HSD17B12: variants seen among roughly 807,000 people sequenced by gnomAD.
HSD17B12 encodes the protein very-long-chain 3-oxoacyl-CoA reductase.
In HSD17B12, 32 loss-of-function variants were observed where a neutral mutation model predicts 39.3. The ratio of observed to expected loss-of-function variants is 0.81; its 90% CI spans 0.61 to 1.09. The LOEUF is 1.09. HSD17B12 is among the 50% of genes least tolerant of loss of function. The pLI is 0.00. For missense variants in HSD17B12, 342 were observed against 382.9 expected, an observed-to-expected ratio of 0.89 and a Z score of 0.89; for synonymous variants, 150 against 146.7, an observed-to-expected ratio of 1.02 and a Z score of -0.16.
At chr11:43,747,108 C>T (rs1039670017) in intron 1 of HSD17B12, among the ~76,000 whole-genome samples, 2 of 152,182 alleles carry the variant, frequency 1.3e-5, no homozygotes, top group Admixed American at 6.5e-5. Flanking sequence ...CTGTCCAAGT[C>T]TTGCGTGTTT....
chr11:43,708,835 G>A (rs1051018332), intron 1 of HSD17B12, among the ~76,000 whole-genome samples: 2 of 152,204 alleles, frequency 1.3e-5, no homozygotes, highest in African/African-American at 4.8e-5. Flanking sequence ...AAGGATAACA[G>A]AGATAAATTA....
chr11:43,790,990 A>G (rs751844055), intron 3 of HSD17B12, among the ~76,000 whole-genome samples: 29 of 152,078 alleles, frequency 1.9e-4, no homozygotes, highest in Non-Finnish European at 3.1e-4. Context: ...GCGGAACTCC[A>G]TCTCAAAAAA....
intron 3 of HSD17B12, among the ~76,000 whole-genome samples, chr11:43,784,131 G>A (rs1950792942): frequency 6.6e-6 from 1 of 152,048 alleles, no homozygotes; most frequent in African/African-American, 2.4e-5. Context: ...CCTTTTAAGG[G>A]CTTACAACTC....
upstream of HSD17B12, chr11:43,680,486 C>A: frequency 2.9e-6 from 1 of 342,328 alleles, no homozygotes; most frequent in Non-Finnish European, 5.5e-6. Flanking sequence ...CGAGCGCAGT[C>A]TTCCGCAGTC....
At chr11:43,652,218 T>A in the HSD17B12 span, among the ~76,000 whole-genome samples, 1 of 152,132 alleles carries the variant, frequency 6.6e-6, no homozygotes, top group Non-Finnish European at 1.5e-5. Flanking sequence ...CATTTCCTGG[T>A]TTTAACAATT....
rs190530610 is a variant in HSD17B12, at chr11:43,812,469, T to G, written c.392-2968T>G. Among the ~76,000 whole-genome samples the G allele has an allele frequency of 3.7e-3, 559 of 152,284 alleles. 1 individual carries two copies. The highest frequency in any genetic ancestry group is 5.6e-3 in the Non-Finnish European group (384 of 67,996). On this transcript the variant is annotated intron_variant, in intron 4 of 10. Coordinates refer to ENST00000278353, the MANE Select transcript of HSD17B12 (RefSeq NM_016142.3). ...TTTTGATTCAGATTTCTGTGATGAT[T>G]GGTGATGAGCATTTTTTCATTTATC...
At chr11:43,772,905 G>A (rs947815195) in intron 3 of HSD17B12, among the ~76,000 whole-genome samples, 6 of 152,120 alleles carry the variant, frequency 3.9e-5, no homozygotes, top group African/African-American at 1.2e-4. Flanking sequence ...GAGCCCAGGC[G>A]TTTGAGACCA....
At chr11:43,657,449 G>T in the HSD17B12 span, among the ~76,000 whole-genome samples, 1 of 152,180 alleles carries the variant, frequency 6.6e-6, no homozygotes, top group African/African-American at 2.4e-5. Flanking sequence ...TCACTATGAT[G>T]TTAGCTGGTT....
At chr11:43,754,270 A>G in intron 3 of HSD17B12, 149 bp downstream of exon 3, 1 of 607,946 alleles carries the variant, frequency 1.6e-6, no homozygotes, top group South Asian at 2.1e-5. Context: ...AGGATGCTTT[A>G]AAAATGGATC....
chr11:43,642,832 T>C, the HSD17B12 span, among the ~76,000 whole-genome samples: 3 of 151,946 alleles, frequency 2.0e-5, no homozygotes, highest in East Asian at 5.8e-4. Context: ...AAACTACATA[T>C]TGTACAGGAG....
At chr11:43,775,610 T>C (rs1231841820) in intron 3 of HSD17B12, among the ~76,000 whole-genome samples, 5 of 151,780 alleles carry the variant, frequency 3.3e-5, no homozygotes, top group African/African-American at 1.2e-4. Context: ...TTTATTTATT[T>C]ATTTTTTATT....
chr11:43,616,888 C>G, the HSD17B12 span, among the ~76,000 whole-genome samples: 1 of 145,756 alleles, frequency 6.9e-6, no homozygotes, highest in African/African-American at 2.5e-5. Flanking sequence ...AGGAGAATTA[C>G]TTGAACCCGG....
intron 1 of HSD17B12, among the ~76,000 whole-genome samples, chr11:43,711,596 T>C (rs1950067067): frequency 4.0e-5 from 6 of 151,000 alleles, no homozygotes; most frequent in Admixed American, 2.6e-4. Flanking sequence ...CACCTCAGCC[T>C]CCCAAGTAGC....
the HSD17B12 span, chr11:43,646,518 C>T: frequency 6.6e-6 from 1 of 152,182 alleles, no homozygotes; most frequent in Non-Finnish European, 1.5e-5. Context: ...TGAACCACAG[C>T]CACAGTGCCC....
the HSD17B12 span, among the ~76,000 whole-genome samples, chr11:43,572,761 A>G: frequency 1.3e-5 from 2 of 152,322 alleles, no homozygotes; most frequent in South Asian, 2.1e-4. Context: ...CATATAGTTG[A>G]AGCTGAAAAA....
At chr11:43,796,407 A>G (rs1470539529) in intron 3 of HSD17B12, among the ~76,000 whole-genome samples, 1 of 152,170 alleles carries the variant, frequency 6.6e-6, no homozygotes, top group Non-Finnish European at 1.5e-5. Flanking sequence ...GTTGTTTTTT[A>G]AAAAAGGCAG....
the HSD17B12 span, among the ~76,000 whole-genome samples, chr11:43,576,883 T>G: frequency 3.9e-5 from 6 of 152,130 alleles, no homozygotes; most frequent in Admixed American, 3.3e-4. Context: ...CAACTCTCTC[T>G]CGCGTTATGG....
At chr11:43,736,199 A>G (rs992623359) in intron 1 of HSD17B12, among the ~76,000 whole-genome samples, 2 of 152,250 alleles carry the variant, frequency 1.3e-5, no homozygotes, top group African/African-American at 4.8e-5. Flanking sequence ...TTTTTGGGTT[A>G]TGGTGCCACC....
At chr11:43,717,003 TGCTTTTTTTCTAGCTCAGTCTGAAGAAAA>T (rs1367685685) in intron 1 of HSD17B12, among the ~76,000 whole-genome samples, 2 of 152,126 alleles carry the variant, frequency 1.3e-5, no homozygotes, top group Admixed American at 1.3e-4. Context: ...ATTTTGACCT[TGCTTTTTTTCTAGCTCAGTCTGAAGAAAA>T]GCTGGGCTAA....
Sources: gnomAD v4.1 joint callset for allele counts (sites outside exome capture counted in the v4.1 genomes callset) on GRCh38, gnomAD v4.1.1 for gene constraint, MANE v1.5 for transcripts, NCBI Gene and HGNC (gene_info 2026-07-23, HGNC 2026-07-21) for gene names.